BBS9: variants seen among roughly 807,000 people sequenced by gnomAD.
BBS9 encodes the protein Bardet-Biedl syndrome 9.
BBS9 carries 89 observed loss-of-function variants against 117.7 expected under a neutral mutation model. That is an observed-to-expected ratio of 0.76 (90% confidence interval 0.64 to 0.90). The LOEUF is 0.90. Ranked by LOEUF, BBS9 falls within the 40% of genes least tolerant of loss-of-function variation. BBS9 has a pLI of 0.00. For synonymous variants in BBS9, 379 were observed against 370.9 expected (o/e 1.02, Z -0.25); for missense variants, 982 against 1,042.2 (o/e 0.94, Z 0.80).
At chr7:33,182,162 C>T (rs1207655983) in intron 5 of BBS9, among the ~76,000 whole-genome samples, 8 of 152,202 alleles carry the variant, frequency 5.3e-5, no homozygotes, top group African/African-American at 1.7e-4. Flanking sequence ...AAAAAATCCA[C>T]ATTTCCATGC....
chr7:33,304,677 G>T (rs1420299057), intron 9 of BBS9, among the ~76,000 whole-genome samples: 6 of 152,130 alleles, frequency 3.9e-5, no homozygotes, highest in Admixed American at 2.6e-4. Flanking sequence ...TGATGACGAT[G>T]GCGGTTTTGT....
intron 19 of BBS9, among the ~76,000 whole-genome samples, chr7:33,408,642 T>C (rs114931872): frequency 0.026 from 3,972 of 152,350 alleles, 175 homozygotes; most frequent in African/African-American, 0.091. Flanking sequence ...ATTCCATGTC[T>C]TTCCTATTGT....
intron 4 of BBS9, among the ~76,000 whole-genome samples, chr7:33,170,185 T>C (rs980233135): frequency 2.0e-5 from 3 of 151,474 alleles, no homozygotes; most frequent in Non-Finnish European, 4.4e-5. Flanking sequence ...TTGATGAACA[T>C]TGATGCAAAA....
At chr7:33,357,713 A>G (rs1375697079) in intron 15 of BBS9, 142 bp from the exon 16 acceptor site, 4 of 816,252 alleles carry the variant, frequency 4.9e-6, no homozygotes, top group Non-Finnish European at 8.4e-6. Flanking sequence ...AATAATTTAC[A>G]GTTATTTCAG....
chr7:33,613,504 A>G (rs886570145), intron 21 of BBS9, among the ~76,000 whole-genome samples: 1 of 151,980 alleles, frequency 6.6e-6, no homozygotes, highest in Non-Finnish European at 1.5e-5. Context: ...TGCTTGGATA[A>G]GAGTTGGAAG....
At chr7:33,389,048 C>CA (rs1214541082) in intron 19 of BBS9, among the ~76,000 whole-genome samples, 1 of 152,140 alleles carries the variant, frequency 6.6e-6, no homozygotes, top group Non-Finnish European at 1.5e-5. Context: ...CCAATGGTAA[C>CA]ATTTTGCAAA....
At chr7:33,595,931 A>G (rs1308947051) in intron 21 of BBS9, among the ~76,000 whole-genome samples, 2 of 152,092 alleles carry the variant, frequency 1.3e-5, no homozygotes, top group Non-Finnish European at 1.5e-5. Context: ...ACAGAAAACC[A>G]AACACCACAT....
At chr7:33,427,807 G>T (rs1280181724) in intron 19 of BBS9, among the ~76,000 whole-genome samples, 1 of 152,128 alleles carries the variant, frequency 6.6e-6, no homozygotes, top group Admixed American at 6.5e-5. Context: ...TTTATGGAGT[G>T]CTTACTAAAC....
chr7:33,174,898 T>C (rs1017253614), intron 4 of BBS9, among the ~76,000 whole-genome samples: 1 of 152,260 alleles, frequency 6.6e-6, no homozygotes, highest in Admixed American at 6.5e-5. Flanking sequence ...CTCAGCTTCC[T>C]GGCACCTCAA....
At chr7:33,579,223 C>CA (rs1396648328) in intron 21 of BBS9, among the ~76,000 whole-genome samples, 1 of 152,016 alleles carries the variant, frequency 6.6e-6, no homozygotes, top group South Asian at 2.1e-4. Flanking sequence ...CAGGGGCCTC[C>CA]AAAAAAGACA....
chr7:33,296,628 T>C (rs1470374993), intron 9 of BBS9, among the ~76,000 whole-genome samples: 2 of 152,184 alleles, frequency 1.3e-5, no homozygotes, highest in African/African-American at 4.8e-5. Flanking sequence ...TTCATTACTT[T>C]CTTCTGTCAT....
chr7:33,502,168 A>C (rs142438052), intron 19 of BBS9, among the ~76,000 whole-genome samples: 228 of 152,244 alleles, frequency 1.5e-3, no homozygotes, highest in African/African-American at 5.3e-3. Context: ...TCGGCCTCCC[A>C]AAGTGCTGGG....
chr7:33,520,892 C>A (rs1235090461), intron 20 of BBS9, among the ~76,000 whole-genome samples: 1 of 152,116 alleles, frequency 6.6e-6, no homozygotes, highest in African/African-American at 2.4e-5. Flanking sequence ...ATGTTCTTTT[C>A]CAGTTGTTCT....
chr7:33,186,303 T>G (rs956003733), intron 5 of BBS9, among the ~76,000 whole-genome samples: 5 of 152,170 alleles, frequency 3.3e-5, no homozygotes, highest in African/African-American at 1.2e-4. Context: ...AAAATGCTTA[T>G]TTTGTATCAG....
At chr7:33,600,867 G>A (rs983244767) in intron 21 of BBS9, among the ~76,000 whole-genome samples, 10 of 152,136 alleles carry the variant, frequency 6.6e-5, no homozygotes, top group African/African-American at 1.4e-4. Flanking sequence ...CTCAGGTACC[G>A]GCTGCCTCTT....
At chr7:33,617,603 A>G (rs1209843231) in intron 21 of BBS9, among the ~76,000 whole-genome samples, 1 of 152,064 alleles carries the variant, frequency 6.6e-6, no homozygotes, top group East Asian at 1.9e-4. Flanking sequence ...AATCATCTTA[A>G]AGAAGCTCAG....
At chr7:33,406,943 G>T (rs1479168345) in intron 19 of BBS9, among the ~76,000 whole-genome samples, 2 of 152,114 alleles carry the variant, frequency 1.3e-5, no homozygotes, top group East Asian at 3.9e-4. Context: ...GAGTGTCTTT[G>T]TGGAATTCTC....
intron 19 of BBS9, among the ~76,000 whole-genome samples, chr7:33,420,760 C>A (rs1328198869): frequency 6.6e-6 from 1 of 152,122 alleles, no homozygotes; most frequent in East Asian, 1.9e-4. Flanking sequence ...CCAGACTTTT[C>A]TTTCCAGGCA....
intron 19 of BBS9, among the ~76,000 whole-genome samples, chr7:33,397,228 C>G (rs1215012082): frequency 2.6e-5 from 4 of 152,126 alleles, no homozygotes; most frequent in African/African-American, 9.7e-5. Flanking sequence ...AGCTCGGCAT[C>G]ACTGATCATT....
Sources: allele counts gnomAD v4.1 joint callset (sites outside exome capture counted in the v4.1 genomes callset), GRCh38; gene constraint gnomAD v4.1.1; transcripts MANE v1.5; gene names NCBI Gene and HGNC (gene_info 2026-07-23, HGNC 2026-07-21).